Variants in NUMB observed in about 807,000 individuals in gnomAD.
NUMB encodes protein numb homolog.
A neutral mutation model predicts 59.7 loss-of-function variants in NUMB; 29 were observed. The ratio of observed to expected loss-of-function variants is 0.49; its 90% confidence interval spans 0.36 to 0.66. NUMB has a LOEUF of 0.66. NUMB is among the 30% of genes least tolerant of loss of function. The pLI, the probability that NUMB is intolerant of heterozygous loss-of-function variation, is 0.00. For synonymous variants in NUMB, 288 were observed against 288.2 expected (o/e 1.00, Z 0.01); for missense variants, 723 against 822.0 (o/e 0.88, Z 1.47).
chr14:73,451,220 G>A (rs1218517941), intron 1 of NUMB, among the ~76,000 whole-genome samples: 10 of 145,866 alleles, frequency 6.9e-5, no homozygotes, highest in African/African-American at 1.0e-4. Flanking sequence ...GGCAGATCAC[G>A]AGGTCAGGAG....
intron 1 of NUMB, among the ~76,000 whole-genome samples, chr14:73,445,133 G>A (rs1007342451): frequency 1.3e-5 from 2 of 151,668 alleles, no homozygotes; most frequent in Non-Finnish European, 2.9e-5. Context: ...CTACTAACGT[G>A]GGTGCAGATA....
chr14:73,336,530 T>C (rs1892325811), intron 4 of NUMB, among the ~76,000 whole-genome samples: 1 of 152,188 alleles, frequency 6.6e-6, no homozygotes, highest in African/African-American at 2.4e-5. Context: ...GGCATTCTCA[T>C]CTTGCTAAGC....
chr14:73,312,990 C>CTT lies in NUMB; in HGVS notation c.234+3398_234+3399dup, dbSNP rs563622527. ...TTTTTTCACTCTACTAGTGGTATGT[C>CTT]TTTTTTTTTTTTTTGAGACAGAGTC... On this transcript the variant is annotated intron_variant, in intron 6 of 12. Coordinates refer to ENST00000555238, the MANE Select transcript of NUMB (RefSeq NM_001005743.2). 1.6e-4 allele frequency among the ~76,000 whole-genome samples: 23 copies of CTT among 141,994 alleles called. No individual in the cohort carries two copies. The East Asian group carries it at 1.8e-3, about 11-fold the overall frequency. 93.2% of individuals were successfully genotyped at this position (141,994 alleles called of 152,430 possible).
chr14:73,366,539 C>T (rs1272020560), intron 3 of NUMB, among the ~76,000 whole-genome samples: 1 of 152,108 alleles, frequency 6.6e-6, no homozygotes, highest in Non-Finnish European at 1.5e-5. Flanking sequence ...TACAATAACC[C>T]TGTCAGGTGG....
At chr14:73,278,293 G>A (rs537406227) in intron 12 of NUMB, among the ~76,000 whole-genome samples, 3 of 152,068 alleles carry the variant, frequency 2.0e-5, no homozygotes, top group African/African-American at 7.2e-5. Context: ...AGGCCAAGGC[G>A]GGTGGATCAC....
chr14:73,349,962 C>T (rs1250166263), intron 4 of NUMB, among the ~76,000 whole-genome samples: 1 of 151,924 alleles, frequency 6.6e-6, no homozygotes, highest in Non-Finnish European at 1.5e-5. Flanking sequence ...GGTTGAGGCA[C>T]AAGAATCACT....
chr14:73,422,695 G>A (rs1298561667), intron 1 of NUMB, among the ~76,000 whole-genome samples: 2 of 151,874 alleles, frequency 1.3e-5, no homozygotes, highest in Non-Finnish European at 2.9e-5. Context: ...GGGTGGGGAC[G>A]TGCCACACTC....
chr14:73,358,808 G>A (rs865866442), intron 3 of NUMB, among the ~76,000 whole-genome samples: 2 of 151,984 alleles, frequency 1.3e-5, no homozygotes, highest in Middle Eastern at 3.4e-3. Context: ...GTCATATATA[G>A]CATACTATAA....
In NUMB at chr14:73,279,309, A is replaced by G. The variant is rs2139794550; in HGVS notation, c.1212T>C (p.Ala404=). 1.2e-6 allele frequency: 2 copies of G among 1,614,194 alleles called. No homozygotes were observed. Among genetic ancestry groups the G allele is most frequent in the South Asian group, 2.2e-5 (2 of 91,088 alleles). Residue 404 remains alanine, a synonymous_variant, in exon 12 of 13, where the codon GCT becomes GCC. Transcript: ENST00000555238. ...AACATGTGGCTGCAATTTCCTTGTTAGCAGCATCAGGGGCATGGGCCCAAG... is the reference window on the plus strand; with the variant it reads ...AACATGTGGCTGCAATTTCCTTGTTGGCAGCATCAGGGGCATGGGCCCAAG... ...TNPWAHAPDA[A]NKEIAATCSG...
At chr14:73,386,867 A>ATTTTTTTTTTTTTTTTTTTTTT (rs71112745) in intron 2 of NUMB, among the ~76,000 whole-genome samples, 2 of 79,838 alleles carry the variant, frequency 2.5e-5, no homozygotes, top group Non-Finnish European at 2.3e-5. Context: ...CAGGTGTCTT[A>ATTTTTTTTTTTTTTTTTTTTTT]TTTTTTTTTT....
chr14:73,342,941 C>T (rs903667370), intron 4 of NUMB, among the ~76,000 whole-genome samples: 5 of 152,084 alleles, frequency 3.3e-5, no homozygotes, highest in African/African-American at 1.2e-4. Flanking sequence ...ACCTCCTTAC[C>T]TCAGCCTCCT....
chr14:73,383,374 A>G (rs1357817315), intron 2 of NUMB, among the ~76,000 whole-genome samples: 1 of 152,236 alleles, frequency 6.6e-6, no homozygotes, highest in African/African-American at 2.4e-5. Context: ...GATGCTTTTA[A>G]TAGCAGACTG....
At chr14:73,415,802 C>T (rs763344325) in intron 1 of NUMB, among the ~76,000 whole-genome samples, 3 of 151,698 alleles carry the variant, frequency 2.0e-5, no homozygotes, top group South Asian at 2.1e-4. Flanking sequence ...AATATTCCAA[C>T]GATGCTAGTC....
At chr14:73,458,020 C>CGGT (rs1292327899) in intron 1 of NUMB, 1 of 152,630 alleles carries the variant, frequency 6.6e-6, no homozygotes, top group African/African-American at 2.4e-5. Context: ...TCTCTCCTCA[C>CGGT]CGGCCGCTGC....
chr14:73,397,129 A>G (rs1566778975), intron 2 of NUMB, among the ~76,000 whole-genome samples: 1 of 152,078 alleles, frequency 6.6e-6, no homozygotes, highest in Non-Finnish European at 1.5e-5. Flanking sequence ...TGCCGTCTCA[A>G]AAAAACAAAA....
At chr14:73,386,384 C>A (rs1388151358) in intron 2 of NUMB, among the ~76,000 whole-genome samples, 3 of 152,158 alleles carry the variant, frequency 2.0e-5, no homozygotes, top group Non-Finnish European at 2.9e-5. Flanking sequence ...CCTTTCTTAT[C>A]CTTTTCTCTA....
chr14:73,344,916 T>C (rs1401014646), intron 4 of NUMB, among the ~76,000 whole-genome samples: 5 of 152,226 alleles, frequency 3.3e-5, no homozygotes, highest in Non-Finnish European at 7.3e-5. Flanking sequence ...AATATGTTAG[T>C]AGACAATTAC....
At chr14:73,318,034 C>T (rs1049137347) in intron 5 of NUMB, among the ~76,000 whole-genome samples, 1 of 152,100 alleles carries the variant, frequency 6.6e-6, no homozygotes, top group Non-Finnish European at 1.5e-5. Context: ...TTTTGAACTG[C>T]AACTGGAAAA....
chr14:73,382,974 T>C (rs1343589496), intron 2 of NUMB, among the ~76,000 whole-genome samples: 1 of 152,132 alleles, frequency 6.6e-6, no homozygotes, highest in African/African-American at 2.4e-5. Flanking sequence ...GGCAAAACCC[T>C]GTCTCTACCA....
Sources: allele counts gnomAD v4.1 joint callset (sites outside exome capture counted in the v4.1 genomes callset), GRCh38; gene constraint gnomAD v4.1.1; transcripts MANE v1.5; gene names NCBI Gene and HGNC (gene_info 2026-07-23, HGNC 2026-07-21).